RAPGEF4: variants seen among roughly 807,000 people sequenced by gnomAD.
RAPGEF4 encodes the protein RAP guanine-nucleotide-exchange factor (GEF) 4.
Under a neutral mutation model 147.9 loss-of-function variants are expected in RAPGEF4, and 66 were observed. The observed-to-expected ratio is 0.45, with a 90% CI of 0.37 to 0.55. RAPGEF4 has a LOEUF of 0.55. Ranked by LOEUF, RAPGEF4 falls within the 20% of genes least tolerant of loss-of-function variation. The probability of loss-of-function intolerance (pLI) is 0.00; values close to 1 mark genes in which losing one functional copy is unlikely to be tolerated. For synonymous variants in RAPGEF4, 419 were observed against 442.7 expected (o/e 0.95, Z 0.67); for missense variants, 1,071 against 1,257.3 (o/e 0.85, Z 2.24).
chr2:173,030,070 C>A, intron 25 of RAPGEF4, 94 bp from the exon 26 acceptor site: 1 of 829,050 alleles, frequency 1.2e-6, no homozygotes. Context: ...TGAGCCCTGA[C>A]AAATATTAAT....
intron 4 of RAPGEF4, among the ~76,000 whole-genome samples, chr2:172,893,216 G>A (rs544890615): frequency 1.3e-5 from 2 of 152,334 alleles, no homozygotes; most frequent in South Asian, 4.1e-4. Context: ...CAGGATAAGT[G>A]GATGAGAGCC....
chr2:172,809,520 A>G (rs1334600037), intron 3 of RAPGEF4, among the ~76,000 whole-genome samples: 3 of 152,248 alleles, frequency 2.0e-5, no homozygotes, highest in Admixed American at 6.5e-5. Flanking sequence ...TGGGAAAAGC[A>G]GAAATGCCGA....
chr2:172,748,534 C>A (rs1271474523), intron 1 of RAPGEF4, among the ~76,000 whole-genome samples: 1 of 152,084 alleles, frequency 6.6e-6, no homozygotes, highest in Admixed American at 6.6e-5. Flanking sequence ...GGGGAAGCTG[C>A]CCCCATGATT....
At chr2:172,860,998 T>C (rs1245904237) in intron 4 of RAPGEF4, among the ~76,000 whole-genome samples, 1 of 152,188 alleles carries the variant, frequency 6.6e-6, no homozygotes, top group Admixed American at 6.5e-5. Flanking sequence ...GAATTGCATC[T>C]TTAAAGTTTT....
intron 1 of RAPGEF4, among the ~76,000 whole-genome samples, chr2:172,746,456 C>G (rs948145979): frequency 6.6e-6 from 1 of 152,144 alleles, no homozygotes; most frequent in Non-Finnish European, 1.5e-5. Context: ...CTAATTGCAA[C>G]TGTGGAAACC....
At chr2:172,890,830 G>A (rs1335733428) in intron 4 of RAPGEF4, among the ~76,000 whole-genome samples, 2 of 152,148 alleles carry the variant, frequency 1.3e-5, no homozygotes, top group South Asian at 2.1e-4. Flanking sequence ...GGGGACTTTC[G>A]TTAAAAAATT....
Position 172,988,690 on chromosome 2 carries a change from C to G in RAPGEF4, c.1228-3C>G. The G allele has an allele frequency of 6.2e-7, 1 of 1,611,094 alleles. No individual in the cohort carries two copies. The highest frequency in any genetic ancestry group is 8.5e-7 in the Non-Finnish European group (1 of 1,177,330). ...CTTCATCTGTGTGCTCTACTCTATC[C>G]AGGGTGTGGTCTGCACCCTGCATGA... On this transcript the variant is annotated splice_region_variant and splice_polypyrimidine_tract_variant and intron_variant, in intron 13 of 30. Coordinates refer to ENST00000397081, the MANE Select transcript of RAPGEF4 (RefSeq NM_007023.4).
rs146811558 is a variant in RAPGEF4 at position 172,842,254 on chromosome 2, G to A, written c.444+27829G>A. 4.6e-4 allele frequency among the ~76,000 whole-genome samples: 70 copies of A among 152,272 alleles called. No individual in the cohort carries two copies. In the East Asian group the frequency reaches 0.013, roughly 27 times the overall value. On this transcript the variant is annotated intron_variant, in intron 4 of 30. Transcript: ENST00000397081. ...CTATTCAAGCTTCAAGCTAGAAAGAGAGACAAAAATTACTTTGAGGTGAAC... is the reference window on the plus strand; with the variant it reads ...CTATTCAAGCTTCAAGCTAGAAAGAAAGACAAAAATTACTTTGAGGTGAAC...
intron 1 of RAPGEF4, among the ~76,000 whole-genome samples, chr2:172,787,327 A>G (rs1369550944): frequency 6.6e-6 from 1 of 152,084 alleles, no homozygotes; most frequent in Non-Finnish European, 1.5e-5. Context: ...TATGATTTAT[A>G]TAGAACTTAA....
Position 172,935,507 on chromosome 2 carries a change from C to T in RAPGEF4, c.537+13207C>T, listed in dbSNP as rs1235168139. ...TGCTTCTCGCCAGTGATGTGCATTCCGCTGACTGCCAAAAAAAAACTGCCC... is the reference window on the plus strand; with the variant it reads ...TGCTTCTCGCCAGTGATGTGCATTCTGCTGACTGCCAAAAAAAAACTGCCC... On this transcript the variant is annotated intron_variant, in intron 6 of 30. Transcript: ENST00000397081. Among the ~76,000 whole-genome samples the T allele has an allele frequency of 3.9e-5, 6 of 152,040 alleles. No homozygotes were observed. The East Asian group carries it at 7.7e-4, about 20-fold the overall frequency.
At chr2:173,023,182 T>C (rs1360450129) in intron 23 of RAPGEF4, among the ~76,000 whole-genome samples, 1 of 152,196 alleles carries the variant, frequency 6.6e-6, no homozygotes, top group Non-Finnish European at 1.5e-5. Flanking sequence ...TCACCATCTC[T>C]TTGTCACTGA....
intron 6 of RAPGEF4, among the ~76,000 whole-genome samples, chr2:172,955,516 C>T (rs1483411996): frequency 2.0e-5 from 3 of 152,134 alleles, no homozygotes; most frequent in African/African-American, 7.2e-5. Context: ...CCCTGCCTCG[C>T]GGTTTTAGGA....
chr2:172,957,099 C>T (rs935306796), intron 6 of RAPGEF4, among the ~76,000 whole-genome samples: 3 of 152,132 alleles, frequency 2.0e-5, no homozygotes, highest in Non-Finnish European at 2.9e-5. Flanking sequence ...ACAGGCAAGT[C>T]CCTAGGTGTC....
chr2:172,935,337 G>C (rs961440435), intron 6 of RAPGEF4, among the ~76,000 whole-genome samples: 3 of 152,150 alleles, frequency 2.0e-5, no homozygotes, highest in African/African-American at 7.2e-5. Context: ...AGGGAGCATA[G>C]GGGAAGGACT....
chr2:172,831,266 C>CTTTTTTTTTTTTTTT (rs71018521), intron 4 of RAPGEF4, among the ~76,000 whole-genome samples: 1,218 of 53,776 alleles, frequency 0.023, 348 homozygotes, highest in East Asian at 0.086. Flanking sequence ...AGATAGAAAA[C>CTTTTTTTTTTTTTTT]TTTTTTTTTT....
chr2:172,988,665 CT>C, intron 13 of RAPGEF4, 27 bp from the exon 14 acceptor site: 1 of 1,597,776 alleles, frequency 6.3e-7, no homozygotes, highest in Non-Finnish European at 8.6e-7. Context: ...CAGGGATCTT[CT>C]TCATCTGTGT....
At position 172,983,568 on chromosome 2, in the gene RAPGEF4, T is replaced by A; in HGVS notation, c.1077T>A (p.His359Gln). 1 of 1,613,644 alleles carries A rather than the reference T, an allele frequency of 6.2e-7. No individual in the cohort carries two copies. The highest frequency in any genetic ancestry group is 8.5e-7 in the Non-Finnish European group (1 of 1,179,864). ...EELLHIKALS[H>Q]LSTTVKRELA... ...TTCTTCATATTAAAGCCTTATCCCATCTTTCTACCACAGTAAGTTGTCTCT... is the reference window on the plus strand; with the variant it reads ...TTCTTCATATTAAAGCCTTATCCCAACTTTCTACCACAGTAAGTTGTCTCT... The change falls in exon 11 of 31, where the codon CAT (histidine) becomes CAA (glutamine). Residue 359 changes from histidine to glutamine, a missense_variant. Transcript: ENST00000397081.
At chr2:172,757,850 A>G (rs1238879427) in intron 1 of RAPGEF4, among the ~76,000 whole-genome samples, 1 of 152,210 alleles carries the variant, frequency 6.6e-6, no homozygotes, top group Admixed American at 6.5e-5. Context: ...ACAAATATTT[A>G]TTGAGTGCCA....
intron 4 of RAPGEF4, among the ~76,000 whole-genome samples, chr2:172,877,352 C>T (rs999105463): frequency 6.6e-6 from 1 of 152,010 alleles, no homozygotes; most frequent in African/African-American, 2.4e-5. Flanking sequence ...GAACATCACA[C>T]ATTGGGTCCT....
Sources: allele counts gnomAD v4.1 joint callset (sites outside exome capture counted in the v4.1 genomes callset), GRCh38; gene constraint gnomAD v4.1.1; transcripts MANE v1.5; gene names NCBI Gene and HGNC (gene_info 2026-07-23, HGNC 2026-07-21).